RHD: variants seen among roughly 807,000 people sequenced by gnomAD.
RHD encodes the protein blood group Rh(D) polypeptide.
A neutral mutation model predicts 45.5 loss-of-function variants in RHD; 16 were observed. The observed-to-expected ratio is 0.35, with a 90% CI of 0.24 to 0.53. The LOEUF is 0.53. RHD is among the 20% of genes least tolerant of loss of function. The pLI, the probability that RHD is intolerant of heterozygous loss-of-function variation, is 0.92. For missense variants in RHD, 306 were observed against 532.0 expected (o/e 0.58, Z 4.18); for synonymous variants, 131 against 217.5 (o/e 0.60, Z 3.50).
chr1:25,273,792 A>T (rs1208494978), intron 1 of RHD, among the ~76,000 whole-genome samples: 1 of 130,752 alleles, frequency 7.6e-6, no homozygotes, highest in Admixed American at 7.5e-5. Context: ...TGTCCCTGAG[A>T]CAAAGTTGAA....
rs1226202677 is a variant in RHD at position 25,296,740 on chromosome 1, CTCTT to C, written c.487-4202_487-4199del. 2.4e-5 allele frequency among the ~76,000 whole-genome samples: 3 copies of C among 123,920 alleles called. 1 individual carries two copies. Among genetic ancestry groups the C allele is most frequent in the Non-Finnish European group, 5.8e-5 (3 of 51,644 alleles). The allele number at this position is 123,920 out of a possible 152,430, so 81.3% of individuals were successfully genotyped here. A position where few individuals can be genotyped will look rare whatever the true frequency, so the allele number is the denominator to read the frequency against. Reference sequence around the variant, plus strand: ...TTTGAAAGTGTGGCACTTCCTCTCTCTCTTTCTCTCTCTCTCTCACCTGACACCA... The same window carrying C: ...TTTGAAAGTGTGGCACTTCCTCTCTCTCTCTCTCTCTCTCACCTGACACCA... On this transcript the variant is annotated intron_variant, in intron 3 of 9. Coordinates refer to ENST00000328664, the MANE Select transcript of RHD (RefSeq NM_016124.6).
intron 7 of RHD, among the ~76,000 whole-genome samples, chr1:25,308,865 GC>G (rs1193269642): frequency 7.6e-6 from 1 of 131,460 alleles, no homozygotes; most frequent in African/African-American, 2.6e-5. Context: ...CAGTCATGCA[GC>G]CTTAGTCCTG....
At chr1:25,298,098 T>C (rs540600238) in intron 3 of RHD, among the ~76,000 whole-genome samples, 24 of 117,902 alleles carry the variant, frequency 2.0e-4, no homozygotes, top group African/African-American at 6.4e-4. Flanking sequence ...AACAACTCTT[T>C]TCTCTCAGTT....
chr1:25,285,782 T>C (rs28479952), intron 2 of RHD, among the ~76,000 whole-genome samples: 2,610 of 135,152 alleles, frequency 0.019, 362 homozygotes, highest in African/African-American at 0.062. Flanking sequence ...AACATTGTTT[T>C]GTTTTGTTCA....
chr1:25,307,911 A>G, intron 7 of RHD: 2 of 993,694 alleles, frequency 2.0e-6, no homozygotes, highest in Non-Finnish European at 1.5e-6. Flanking sequence ...CACTGTCTTA[A>G]TAACTGTGCA....
intron 1 of RHD, among the ~76,000 whole-genome samples, chr1:25,275,040 A>G (rs1179651499): frequency 7.8e-6 from 1 of 127,624 alleles, no homozygotes; most frequent in Admixed American, 7.6e-5. Flanking sequence ...TGTAATCCCA[A>G]ACACTTTGGG....
intron 3 of RHD, 97 bp downstream of exon 3, chr1:25,290,888 A>G: frequency 8.3e-7 from 1 of 1,204,762 alleles, no homozygotes; most frequent in Non-Finnish European, 1.2e-6. Flanking sequence ...GACAACCTGT[A>G]ATCCCAGCTA....
chr1:25,313,315 T>G (rs1644266514), intron 7 of RHD, among the ~76,000 whole-genome samples: 1 of 132,326 alleles, frequency 7.6e-6, no homozygotes, highest in South Asian at 2.3e-4. Flanking sequence ...TCCAGAACCA[T>G]GAGCTATATA....
At chr1:25,276,401 T>C (rs1432339612) in intron 1 of RHD, among the ~76,000 whole-genome samples, 2 of 119,860 alleles carry the variant, frequency 1.7e-5, no homozygotes, top group African/African-American at 6.2e-5. Flanking sequence ...CTTTAAAAGT[T>C]CTGTAATAGT....
Position 25,329,238 on chromosome 1 carries a change from T to G in RHD, c.*314T>G, listed in dbSNP as rs28569996. 1 of 176,606 alleles carries G rather than the reference T, an allele frequency of 5.7e-6. No individual in the cohort carries two copies. Among genetic ancestry groups the G allele is most frequent in the South Asian group, 6.1e-5 (1 of 16,400 alleles). 10.9% of individuals were successfully genotyped at this position (176,606 alleles called of 1,614,324 possible). ...AAGGTTAATTTATTATTATTCCTTG[T>G]TTTTTTTTTTTTTTTTTTTTTTTTG... is the stretch of plus-strand genomic sequence containing the variant. On this transcript the variant is annotated 3_prime_UTR_variant, in exon 10 of 10. Transcript: ENST00000328664.
At chr1:25,300,245 T>C (rs990838893) in intron 3 of RHD, among the ~76,000 whole-genome samples, 4 of 130,722 alleles carry the variant, frequency 3.1e-5, no homozygotes, top group African/African-American at 7.9e-5. Context: ...ATAGGCCGGG[T>C]GTGGTGGCTC....
At position 25,300,677 on chromosome 1, in the gene RHD, C is replaced by T. The variant is rs1488087837; in HGVS notation, c.487-269C>T. ...ATACAAAATTAGCCCAGCGTAGTGG[C>T]GCATGCCTGTAATCCCAGCTACTAG... is the stretch of plus-strand genomic sequence containing the variant. On this transcript the variant is annotated intron_variant, in intron 3 of 9. Coordinates refer to ENST00000328664, the MANE Select transcript of RHD (RefSeq NM_016124.6). Among the ~76,000 whole-genome samples, 8 of 131,210 alleles carry T rather than the reference C, an allele frequency of 6.1e-5. 3 individuals carry two copies. Among genetic ancestry groups the T allele is most frequent in the Admixed American group, 1.5e-4 (2 of 13,592 alleles). 86.1% of individuals were successfully genotyped at this position (131,210 alleles called of 152,430 possible).
chr1:25,307,226 T>A (rs1643897750), intron 7 of RHD, among the ~76,000 whole-genome samples: 1 of 131,828 alleles, frequency 7.6e-6, no homozygotes, highest in East Asian at 1.9e-4. Flanking sequence ...GCACAACCCA[T>A]CCCTGAGGCC....
rs761203872 is a variant in RHD at position 25,272,722 on chromosome 1, C to G, written c.148+27C>G. ...TGAGAGTTCATTGGAAAAGTGGTCA[C>G]AGGAGCAAATAGCAGGGGCAGGGGC... is the stretch of plus-strand genomic sequence containing the variant. On this transcript the variant is annotated intron_variant, in intron 1 of 9. Transcript: ENST00000328664. The G allele has an allele frequency of 8.7e-6, 12 of 1,378,690 alleles. 3 individuals carry two copies. The highest frequency in any genetic ancestry group is 1.2e-5 in the Non-Finnish European group (12 of 978,360). The allele number at this position is 1,378,690 out of a possible 1,614,324, so 85.4% of individuals were successfully genotyped here. A position where few individuals can be genotyped will look rare whatever the true frequency, so the allele number is the denominator to read the frequency against.
At chr1:25,290,844 A>G in intron 3 of RHD, 53 bp downstream of exon 3, 1 of 1,353,520 alleles carries the variant, frequency 7.4e-7, no homozygotes, top group Non-Finnish European at 1.0e-6. Flanking sequence ...CAAAAGCTCC[A>G]TTTGGTGGGG....
In RHD at chr1:25,320,953, A is replaced by G. The variant is rs201809298; in HGVS notation, c.1154-936A>G. 6.1e-5 allele frequency among the ~76,000 whole-genome samples: 8 copies of G among 131,366 alleles called. 2 individuals carry two copies. Among genetic ancestry groups the G allele is most frequent in the Non-Finnish European group, 7.2e-5 (4 of 55,372 alleles). The allele number at this position is 131,366 out of a possible 152,430, so 86.2% of individuals were successfully genotyped here. A position where few individuals can be genotyped will look rare whatever the true frequency, so the allele number is the denominator to read the frequency against. ...CAGCTACTTGGGAGGCTGAGGTGGG[A>G]GGGTTGCTTGACCCCGGGAGTTTGA... On this transcript the variant is annotated intron_variant, in intron 8 of 9. Coordinates refer to ENST00000328664, the MANE Select transcript of RHD (RefSeq NM_016124.6).
Position 25,302,844 on chromosome 1 carries a change from CA to C in RHD, c.802-474del, listed in dbSNP as rs1003561665. Among the ~76,000 whole-genome samples the C allele has an allele frequency of 1.9e-4, 25 of 131,308 alleles. 8 individuals carry two copies. In the South Asian group the frequency reaches 2.8e-3, roughly 15 times the overall value. 86.1% of individuals were successfully genotyped at this position (131,308 alleles called of 152,430 possible). ...AATAACCTTATGAAGAAGGTACATC[CA>C]AAACCCCATTCTTCTAGGCCAGGTG... On this transcript the variant is annotated intron_variant, in intron 5 of 9. Transcript: ENST00000328664.
In RHD at chr1:25,317,908, G is replaced by C. The variant is rs1396183306; in HGVS notation, c.1153+829G>C. ...TAGTGAGGAGCAGGCCCTTATAAAA[G>C]ATGGGAAGCCACTGGAGATCTTTCA... On this transcript the variant is annotated intron_variant, in intron 8 of 9. Transcript: ENST00000328664. 2.5e-5 allele frequency among the ~76,000 whole-genome samples: 3 copies of C among 119,760 alleles called. 1 individual carries two copies. The highest frequency in any genetic ancestry group is 5.9e-5 in the Non-Finnish European group (3 of 50,732). 78.6% of individuals were successfully genotyped at this position (119,760 alleles called of 152,430 possible). A position where few individuals can be genotyped will look rare whatever the true frequency, so the allele number is the denominator to read the frequency against.
At chr1:25,306,909 A>G (rs1643882849) in intron 7 of RHD, 180 bp downstream of exon 7, 1 of 671,752 alleles carries the variant, frequency 1.5e-6, no homozygotes, top group South Asian at 1.5e-5. Flanking sequence ...GGATGGATTT[A>G]TCACCTCTCC....
Sources: gnomAD v4.1 joint callset for allele counts (sites outside exome capture counted in the v4.1 genomes callset) on GRCh38, gnomAD v4.1.1 for gene constraint, MANE v1.5 for transcripts, NCBI Gene and HGNC (gene_info 2026-07-23, HGNC 2026-07-21) for gene names.